Variants in EXOC4 observed in about 807,000 individuals in gnomAD.
EXOC4 encodes the protein SEC8-like 1.
In EXOC4, 71 loss-of-function variants were observed where a neutral mutation model predicts 107.2. The ratio of observed to expected loss-of-function variants is 0.66; its 90% CI spans 0.55 to 0.81. EXOC4 has a LOEUF of 0.81. Ranked by LOEUF, EXOC4 falls within the 30% of genes least tolerant of loss-of-function variation. EXOC4 has a pLI of 0.00. For synonymous variants in EXOC4, 456 were observed against 441.2 expected (o/e 1.03, Z -0.42); for missense variants, 1,108 against 1,189.6 (o/e 0.93, Z 1.01).
chr7:133,541,488 T>C (rs1344761623), intron 9 of EXOC4, among the ~76,000 whole-genome samples: 1 of 152,198 alleles, frequency 6.6e-6, no homozygotes, highest in Non-Finnish European at 1.5e-5. Context: ...TTTTATGTTA[T>C]GTTACGTTAC....
At chr7:134,084,365 T>C in the EXOC4 span, among the ~76,000 whole-genome samples, 1 of 152,164 alleles carries the variant, frequency 6.6e-6, no homozygotes, top group South Asian at 2.1e-4. Context: ...TAGGGCATCA[T>C]GAACTACACA....
chr7:133,660,586 C>G (rs994800686), intron 10 of EXOC4, among the ~76,000 whole-genome samples: 2 of 152,082 alleles, frequency 1.3e-5, no homozygotes, highest in Non-Finnish European at 1.5e-5. Context: ...ACTGAATTGT[C>G]TTAGTGGAAC....
the EXOC4 span, among the ~76,000 whole-genome samples, chr7:134,094,049 A>C: frequency 6.6e-6 from 1 of 152,218 alleles, no homozygotes; most frequent in African/African-American, 2.4e-5. Context: ...CAGAGCTAGC[A>C]GAAGAAAATA....
intron 6 of EXOC4, among the ~76,000 whole-genome samples, chr7:133,365,846 C>T (rs1033003552): frequency 2.6e-5 from 4 of 152,120 alleles, no homozygotes; most frequent in Non-Finnish European, 5.9e-5. Context: ...TCTAATTATA[C>T]GTTTCTTTTT....
chr7:133,777,562 T>C (rs1796372786), intron 10 of EXOC4, among the ~76,000 whole-genome samples: 1 of 152,158 alleles, frequency 6.6e-6, no homozygotes, highest in Non-Finnish European at 1.5e-5. Flanking sequence ...GACAGTGTTA[T>C]GATTATTGGT....
chr7:133,747,493 G>A (rs1355465205), intron 10 of EXOC4, among the ~76,000 whole-genome samples: 1 of 152,080 alleles, frequency 6.6e-6, no homozygotes, highest in Non-Finnish European at 1.5e-5. Context: ...TTAACTTGTG[G>A]TTAGAACGCC....
At chr7:133,670,988 G>A (rs1244085734) in intron 10 of EXOC4, among the ~76,000 whole-genome samples, 2 of 152,152 alleles carry the variant, frequency 1.3e-5, no homozygotes, top group East Asian at 1.9e-4. Flanking sequence ...TGCTCAGGGT[G>A]CGTGGTCAAG....
intron 9 of EXOC4, among the ~76,000 whole-genome samples, chr7:133,548,952 C>T (rs1186664233): frequency 6.6e-6 from 1 of 152,198 alleles, no homozygotes; most frequent in Non-Finnish European, 1.5e-5. Context: ...TCTTGGCTTT[C>T]TACGTGCCTT....
intron 9 of EXOC4, among the ~76,000 whole-genome samples, chr7:133,550,806 G>A (rs1051427327): frequency 6.6e-6 from 1 of 151,824 alleles, no homozygotes; most frequent in Non-Finnish European, 1.5e-5. Context: ...CATTTATTCA[G>A]CAAAACACTA....
intron 10 of EXOC4, among the ~76,000 whole-genome samples, chr7:133,798,877 A>G (rs1563002534): frequency 6.6e-6 from 1 of 152,240 alleles, no homozygotes; most frequent in African/African-American, 2.4e-5. Flanking sequence ...TATGAGAAAT[A>G]ACAGAGGACA....
chr7:133,378,439 C>A (rs1017144824), intron 7 of EXOC4, among the ~76,000 whole-genome samples: 1 of 151,722 alleles, frequency 6.6e-6, no homozygotes, highest in Non-Finnish European at 1.5e-5. Flanking sequence ...TGCTTTTCCC[C>A]CCCACATTTC....
intron 9 of EXOC4, among the ~76,000 whole-genome samples, chr7:133,525,791 G>A (rs1428798837): frequency 6.6e-6 from 1 of 152,112 alleles, no homozygotes; most frequent in East Asian, 1.9e-4. Flanking sequence ...CAGAATTGCA[G>A]GTATGTTAAT....
chr7:134,056,873 C>T (rs879708232), intron 17 of EXOC4, among the ~76,000 whole-genome samples: 2 of 152,124 alleles, frequency 1.3e-5, no homozygotes, highest in African/African-American at 2.4e-5. Flanking sequence ...ATCATCTCAA[C>T]GGTGATGGGA....
chr7:133,279,398 C>T (rs990341493), intron 2 of EXOC4, among the ~76,000 whole-genome samples: 1 of 152,124 alleles, frequency 6.6e-6, no homozygotes, highest in Non-Finnish European at 1.5e-5. Flanking sequence ...CATGATGTGG[C>T]TAACATCTTA....
rs1882539 is a variant in EXOC4, at chr7:133,317,380, A to C, written c.753A>C (p.Gly251=). 29 of 1,599,620 alleles carry C rather than the reference A, an allele frequency of 1.8e-5. No individual in the cohort carries two copies. The South Asian group carries it at 3.1e-4, about 17-fold the overall frequency. Reference sequence around the variant, plus strand: ...ATACCTCTCACTATTCTACTGCTGGAAGCTCAAGTGGTAAGTATTTAATTC... The same window carrying C: ...ATACCTCTCACTATTCTACTGCTGGCAGCTCAAGTGGTAAGTATTTAATTC... ...FLDTSHYSTA[G]SSSVREINLQ... is the part of the protein sequence containing the mutation. The change falls in exon 5 of 18, where the codon GGA becomes GGC. Residue 251 remains glycine, a synonymous_variant. Transcript: ENST00000253861.
intron 14 of EXOC4, among the ~76,000 whole-genome samples, chr7:133,996,603 T>A (rs570932171): frequency 6.6e-6 from 1 of 152,306 alleles, no homozygotes; most frequent in South Asian, 2.1e-4. Flanking sequence ...GGCTTTTAGT[T>A]GGCCATAAGC....
chr7:133,675,090 A>G (rs567096842), intron 10 of EXOC4, among the ~76,000 whole-genome samples: 15 of 152,304 alleles, frequency 9.8e-5, no homozygotes, highest in African/African-American at 3.4e-4. Flanking sequence ...TATGCTAAAT[A>G]CACAGTAAGT....
intron 11 of EXOC4, among the ~76,000 whole-genome samples, chr7:133,834,693 G>A (rs936227685): frequency 1.3e-5 from 2 of 152,342 alleles, no homozygotes; most frequent in East Asian, 1.9e-4. Flanking sequence ...TTCTCCAACA[G>A]CCAGCATGAC....
At chr7:133,585,725 G>A (rs563163430) in intron 9 of EXOC4, among the ~76,000 whole-genome samples, 2 of 152,112 alleles carry the variant, frequency 1.3e-5, no homozygotes, top group East Asian at 1.9e-4. Flanking sequence ...ACAGATTTTT[G>A]TTCTGTCACC....
Sources: allele counts gnomAD v4.1 joint callset (sites outside exome capture counted in the v4.1 genomes callset), GRCh38; gene constraint gnomAD v4.1.1; transcripts MANE v1.5; gene names NCBI Gene and HGNC (gene_info 2026-07-23, HGNC 2026-07-21).